FBXW7: variants seen among roughly 807,000 people sequenced by gnomAD.
FBXW7 encodes the protein F-box and WD repeat domain containing 7, also known as F-box/WD repeat-containing protein 7.
FBXW7 carries 11 observed loss-of-function variants against 86.3 expected under a neutral mutation model. The ratio of observed to expected loss-of-function variants is 0.13; its 90% CI spans 0.08 to 0.21. The LOEUF is 0.21. Among genes scored for constraint, FBXW7 ranks in the 10% least tolerant of loss-of-function variants. FBXW7 has a pLI of 1.00. For missense variants in FBXW7, 488 were observed against 847.4 expected (o/e 0.58, Z 5.27); for synonymous variants, 313 against 297.9 (o/e 1.05, Z -0.52).
At chr4:152,513,051 G>A (rs766914723) in intron 2 of FBXW7, among the ~76,000 whole-genome samples, 11 of 151,970 alleles carry the variant, frequency 7.2e-5, no homozygotes, top group Non-Finnish European at 1.0e-4. Context: ...TAGTAGAGAC[G>A]GGGTTTCACC....
intron 2 of FBXW7, among the ~76,000 whole-genome samples, chr4:152,470,644 T>C (rs1290053662): frequency 1.3e-5 from 2 of 152,158 alleles, no homozygotes; most frequent in African/African-American, 4.8e-5. Flanking sequence ...AATAATTTTA[T>C]AATAAACTTA....
At chr4:152,434,969 C>CA (rs1740253239) in intron 2 of FBXW7, among the ~76,000 whole-genome samples, 3 of 140,990 alleles carry the variant, frequency 2.1e-5, no homozygotes, top group Admixed American at 7.1e-5. Flanking sequence ...CCCCCCCCCC[C>CA]ACACACAAGC....
At chr4:152,479,541 A>G (rs907043228) in intron 2 of FBXW7, among the ~76,000 whole-genome samples, 5 of 152,242 alleles carry the variant, frequency 3.3e-5, no homozygotes, top group African/African-American at 1.2e-4. Flanking sequence ...TTCTTACAGA[A>G]TGTCCCACAT....
At chr4:152,390,162 G>C (rs1362616428) in intron 4 of FBXW7, among the ~76,000 whole-genome samples, 2 of 151,128 alleles carry the variant, frequency 1.3e-5, no homozygotes, top group Non-Finnish European at 3.0e-5. Flanking sequence ...CTAGCATATA[G>C]AGTATATTTG....
chr4:152,460,713 C>A, intron 2 of FBXW7, among the ~76,000 whole-genome samples: 1 of 152,134 alleles, frequency 6.6e-6, no homozygotes, highest in Non-Finnish European at 1.5e-5. Flanking sequence ...GCAATTTGAC[C>A]ACTTATGTGC....
chr4:152,414,311 A>T (rs1021561934), intron 2 of FBXW7, among the ~76,000 whole-genome samples: 1 of 152,062 alleles, frequency 6.6e-6, no homozygotes. Flanking sequence ...CACTAACAAA[A>T]AGCACCAAAA....
At chr4:152,490,421 G>A (rs748872315) in intron 2 of FBXW7, among the ~76,000 whole-genome samples, 6 of 151,952 alleles carry the variant, frequency 3.9e-5, no homozygotes, top group Non-Finnish European at 5.9e-5. Context: ...AAGTAAAAAA[G>A]ATCTAACATT....
rs139058585 is a variant in FBXW7 at position 152,469,112 on chromosome 4, G to T, written c.-119-56583C>A. Among the ~76,000 whole-genome samples the T allele has an allele frequency of 1.9e-3, 289 of 151,996 alleles. 2 individuals are homozygous for T. The East Asian group carries it at 0.033, about 17-fold the overall frequency. ...AAACACATTAAAAAGTATAATAAAA[G>T]AAGCCAATGCTTATCACTAAATATT... On this transcript the variant is annotated intron_variant, in intron 2 of 13. Coordinates refer to ENST00000281708, the MANE Select transcript of FBXW7 (RefSeq NM_001349798.2).
At chr4:152,486,441 T>C (rs1427811117) in intron 2 of FBXW7, among the ~76,000 whole-genome samples, 2 of 152,204 alleles carry the variant, frequency 1.3e-5, no homozygotes, top group Admixed American at 6.5e-5. Context: ...TTTATCTTTA[T>C]TTTACAAGCC....
intron 6 of FBXW7, among the ~76,000 whole-genome samples, chr4:152,343,119 A>G (rs902119480): frequency 1.3e-5 from 2 of 152,182 alleles, no homozygotes; most frequent in Admixed American, 1.3e-4. Flanking sequence ...CTCCATTTTT[A>G]ATATCAAAAC....
At chr4:152,438,037 G>A (rs147152241) in intron 2 of FBXW7, among the ~76,000 whole-genome samples, 187 of 152,054 alleles carry the variant, frequency 1.2e-3, no homozygotes, top group African/African-American at 4.3e-3. Flanking sequence ...AGCCGGGTGT[G>A]GTGGCGGGTG....
At chr4:152,354,336 C>CA (rs1405642366) in intron 4 of FBXW7, among the ~76,000 whole-genome samples, 1 of 151,554 alleles carries the variant, frequency 6.6e-6, no homozygotes, top group East Asian at 1.9e-4. Context: ...CGAAGGGAAG[C>CA]AAAAAAACAA....
At chr4:152,480,473 C>CT (rs1744782210) in intron 2 of FBXW7, among the ~76,000 whole-genome samples, 1 of 152,060 alleles carries the variant, frequency 6.6e-6, no homozygotes, top group African/African-American at 2.4e-5. Flanking sequence ...ACAATGGCCT[C>CT]TAAGTGTTGG....
intron 2 of FBXW7, among the ~76,000 whole-genome samples, chr4:152,459,757 C>G (rs1023715846): frequency 2.0e-5 from 3 of 152,070 alleles, no homozygotes; most frequent in Non-Finnish European, 4.4e-5. Flanking sequence ...AAAAGATTAA[C>G]AACAACAATA....
chr4:152,525,693 A>G (rs1749446313), intron 2 of FBXW7, among the ~76,000 whole-genome samples: 1 of 152,138 alleles, frequency 6.6e-6, no homozygotes, highest in Non-Finnish European at 1.5e-5. Context: ...TTCTTTATCC[A>G]ATCTGTCACT....
intron 5 of FBXW7, chr4:152,348,833 T>C: frequency 2.9e-6 from 1 of 339,890 alleles, no homozygotes; most frequent in African/African-American, 2.2e-5. Context: ...CTTGTCTCTC[T>C]ATCCCTCCAC....
In FBXW7 at chr4:152,419,494, AACACACACAC is replaced by A. The variant is rs57894523; in HGVS notation, c.-119-6975_-119-6966del. Among the ~76,000 whole-genome samples the A allele has an allele frequency of 3.3e-3, 405 of 123,344 alleles. 4 individuals carry two copies. The East Asian group carries it at 0.042, about 13-fold the overall frequency. The allele number at this position is 123,344 out of a possible 152,430, so 80.9% of individuals were successfully genotyped here. On this transcript the variant is annotated intron_variant, in intron 2 of 13. Coordinates refer to ENST00000281708, the MANE Select transcript of FBXW7 (RefSeq NM_001349798.2). Reference sequence around the variant, plus strand: ...TGGTAAGGCCCACTAGGATAAGGTAAACACACACACACACACACACACACACACACACACA... The same window carrying A: ...TGGTAAGGCCCACTAGGATAAGGTAAACACACACACACACACACACACACA...
chr4:152,501,137 A>G (rs1486559750), intron 2 of FBXW7, among the ~76,000 whole-genome samples: 1 of 152,236 alleles, frequency 6.6e-6, no homozygotes, highest in Non-Finnish European at 1.5e-5. Context: ...TTGATATATT[A>G]ATGTGCATGG....
At chr4:152,442,418 T>C (rs957043727) in intron 2 of FBXW7, among the ~76,000 whole-genome samples, 1 of 152,232 alleles carries the variant, frequency 6.6e-6, no homozygotes, top group Non-Finnish European at 1.5e-5. Flanking sequence ...CTCCCAAACA[T>C]TATTAGTTTA....
Sources: gnomAD v4.1 joint callset for allele counts (sites outside exome capture counted in the v4.1 genomes callset) on GRCh38, gnomAD v4.1.1 for gene constraint, MANE v1.5 for transcripts, NCBI Gene and HGNC (gene_info 2026-07-23, HGNC 2026-07-21) for gene names.